The following TENM2 variants were observed in gnomAD, a reference collection of about 807,000 sequenced individuals.
TENM2 encodes the protein teneurin-2.
TENM2 carries 52 observed loss-of-function variants against 245.2 expected under a neutral mutation model. That is an observed-to-expected ratio of 0.21 (90% CI 0.17 to 0.27). TENM2 has a LOEUF of 0.27. TENM2 is among the 10% of genes least tolerant of loss of function. The probability of loss-of-function intolerance (pLI) is 1.00; values close to 1 mark genes in which losing one functional copy is unlikely to be tolerated. For synonymous variants in TENM2, 1,363 were observed against 1,438.9 expected, an observed-to-expected ratio of 0.95 and a Z score of 1.19; for missense variants, 3,046 against 3,666.8, an observed-to-expected ratio of 0.83 and a Z score of 4.37.
At chr5:167,661,111 C>T (rs558443489) in intron 2 of TENM2, among the ~76,000 whole-genome samples, 2 of 152,194 alleles carry the variant, frequency 1.3e-5, no homozygotes, top group East Asian at 3.9e-4. Context: ...GAGCATGTAC[C>T]TTATTTACTG....
At chr5:168,140,549 C>T (rs985586583) in intron 12 of TENM2, among the ~76,000 whole-genome samples, 5 of 152,132 alleles carry the variant, frequency 3.3e-5, no homozygotes, top group South Asian at 2.1e-4. Flanking sequence ...TGTGTGCATG[C>T]GTGTGTGTGC....
chr5:167,291,850 A>G (rs554604837), intron 1 of TENM2, among the ~76,000 whole-genome samples: 24 of 152,344 alleles, frequency 1.6e-4, no homozygotes, highest in Admixed American at 2.0e-4. Flanking sequence ...TCTGTAGTCT[A>G]TCTAAGCTGT....
At chr5:167,471,200 A>G (rs536984959) in intron 2 of TENM2, among the ~76,000 whole-genome samples, 1 of 152,282 alleles carries the variant, frequency 6.6e-6, no homozygotes, top group Non-Finnish European at 1.5e-5. Flanking sequence ...CTACATATTC[A>G]TGAGAATTCT....
intron 2 of TENM2, among the ~76,000 whole-genome samples, chr5:167,807,124 TAAAAA>T (rs1178739925): frequency 1.2e-3 from 61 of 49,072 alleles, no homozygotes; most frequent in African/African-American, 3.7e-3. Context: ...GCCCCTAGGT[TAAAAA>T]AAAAAAAAAA....
the TENM2 span, among the ~76,000 whole-genome samples, chr5:166,983,414 C>G: frequency 6.6e-6 from 1 of 152,000 alleles, no homozygotes; most frequent in Admixed American, 6.5e-5. Context: ...TATAGAATTA[C>G]GAGCCTTTCA....
intron 5 of TENM2, among the ~76,000 whole-genome samples, chr5:168,021,733 A>T (rs759184285): frequency 6.6e-6 from 1 of 152,072 alleles, no homozygotes; most frequent in Non-Finnish European, 1.5e-5. Context: ...TCAAAGGACC[A>T]TAAGATTTTT....
the TENM2 span, among the ~76,000 whole-genome samples, chr5:167,092,006 T>G: frequency 6.6e-6 from 1 of 152,142 alleles, no homozygotes; most frequent in African/African-American, 2.4e-5. Flanking sequence ...CAGGTTCTGG[T>G]GGTGGGCTTG....
intron 2 of TENM2, among the ~76,000 whole-genome samples, chr5:167,723,674 T>G (rs947868953): frequency 6.6e-6 from 1 of 152,308 alleles, no homozygotes. Context: ...CCTCAAGACC[T>G]CTGCTGCTGC....
At chr5:168,107,864 G>C (rs918564289) in intron 9 of TENM2, among the ~76,000 whole-genome samples, 3 of 152,232 alleles carry the variant, frequency 2.0e-5, no homozygotes, top group Admixed American at 2.0e-4. Context: ...AGCACCCTCA[G>C]ATATGACCCT....
chr5:167,779,897 C>T (rs2150825017), intron 2 of TENM2, among the ~76,000 whole-genome samples: 1 of 152,346 alleles, frequency 6.6e-6, no homozygotes, highest in African/African-American at 2.4e-5. Flanking sequence ...GGAAACACAG[C>T]CACTGTTACA....
At chr5:167,958,163 T>A (rs1780707790) in intron 4 of TENM2, among the ~76,000 whole-genome samples, 1 of 152,190 alleles carries the variant, frequency 6.6e-6, no homozygotes, top group South Asian at 2.1e-4. Flanking sequence ...GCTCCTGTAT[T>A]GGGTGCATAT....
chr5:167,719,599 G>A (rs941119444), intron 2 of TENM2, among the ~76,000 whole-genome samples: 6 of 152,196 alleles, frequency 3.9e-5, no homozygotes, highest in African/African-American at 1.4e-4. Context: ...GTTCGAGTTA[G>A]GACTAATGGA....
intron 2 of TENM2, among the ~76,000 whole-genome samples, chr5:167,699,416 C>T (rs752233236): frequency 3.9e-5 from 6 of 152,096 alleles, no homozygotes; most frequent in African/African-American, 9.7e-5. Flanking sequence ...AACACCCAAA[C>T]GAAATCTCGG....
chr5:167,402,513 T>G (rs1195020113), intron 2 of TENM2, among the ~76,000 whole-genome samples: 3 of 152,106 alleles, frequency 2.0e-5, no homozygotes, highest in African/African-American at 4.8e-5. Flanking sequence ...GAGAAACACA[T>G]ATGGTAAGCA....
At chr5:167,395,208 C>T (rs904298818) in intron 2 of TENM2, among the ~76,000 whole-genome samples, 13 of 152,128 alleles carry the variant, frequency 8.5e-5, no homozygotes, top group African/African-American at 3.1e-4. Flanking sequence ...AAGTCGTTCA[C>T]TGCCTTGAGT....
chr5:168,124,753 C>T (rs1328366768), intron 10 of TENM2, 97 bp from the exon 13 acceptor site: 1 of 1,166,476 alleles, frequency 8.6e-7, no homozygotes, highest in Non-Finnish European at 1.2e-6. Context: ...AACTGGTGAC[C>T]CACTGGTCCA....
chr5:168,149,630 GGCCAGCCT>G lies in TENM2; in HGVS notation c.2423-12980_2423-12973del, dbSNP rs1228207935. ...CAGATGGTCCTGATGGGTCCCTGCTGGCCAGCCTTCTAGATTCTGTCCTGGCCCCATCC... is the reference window on the plus strand; with the variant it reads ...CAGATGGTCCTGATGGGTCCCTGCTGTCTAGATTCTGTCCTGGCCCCATCC... On this transcript the variant is annotated intron_variant, in intron 12 of 28. Coordinates refer to ENST00000518659, the Ensembl canonical transcript of TENM2. 2.0e-5 allele frequency among the ~76,000 whole-genome samples: 3 copies of G among 152,236 alleles called. No homozygotes were observed. The East Asian group carries it at 5.8e-4, about 29-fold the overall frequency.
rs142993011 is a variant in TENM2, at chr5:167,551,734, A to C, written c.502+176261A>C. Among the ~76,000 whole-genome samples, 527 of 152,330 alleles carry C rather than the reference A, an allele frequency of 3.5e-3. 1 individual carries two copies. Among genetic ancestry groups the C allele is most frequent in the Non-Finnish European group, 4.4e-3 (297 of 68,026 alleles). On this transcript the variant is annotated intron_variant, in intron 2 of 28. Transcript: ENST00000518659. Reference sequence around the variant, plus strand: ...AAAAGCCTGGCATCAATTTTGTGTAAGTTGGACAAACTTACTCCATTGTGT... The same window carrying C: ...AAAAGCCTGGCATCAATTTTGTGTACGTTGGACAAACTTACTCCATTGTGT...
chr5:168,055,297 A>G (rs1789440773), intron 6 of TENM2, among the ~76,000 whole-genome samples: 1 of 152,320 alleles, frequency 6.6e-6, no homozygotes, highest in African/African-American at 2.4e-5. Flanking sequence ...ATTGCATGGA[A>G]GTATGAATGA....
Sources: allele counts gnomAD v4.1 joint callset (sites outside exome capture counted in the v4.1 genomes callset), GRCh38; gene constraint gnomAD v4.1.1; transcripts MANE v1.5; gene names NCBI Gene and HGNC (gene_info 2026-07-23, HGNC 2026-07-21).